Variants in MMS22L observed in about 807,000 individuals in gnomAD.
The protein encoded by MMS22L is protein MMS22-like.
MMS22L carries 74 observed loss-of-function variants against 159.1 expected under a neutral mutation model. The ratio of observed to expected loss-of-function variants is 0.47; its 90% confidence interval spans 0.39 to 0.56. The LOEUF (loss-of-function observed/expected upper bound fraction) is 0.56. Among genes scored for constraint, MMS22L ranks in the 20% least tolerant of loss-of-function variants. The probability of loss-of-function intolerance (pLI) is 0.00; values close to 1 mark genes in which losing one functional copy is unlikely to be tolerated. For missense variants in MMS22L, 1,351 were observed against 1,422.1 expected, an observed-to-expected ratio of 0.95 and a Z score of 0.80; for synonymous variants, 517 against 506.9, an observed-to-expected ratio of 1.02 and a Z score of -0.27.
intron 14 of MMS22L, among the ~76,000 whole-genome samples, chr6:97,223,187 C>G (rs1809834114): frequency 6.6e-6 from 1 of 152,098 alleles, no homozygotes; most frequent in Non-Finnish European, 1.5e-5. Flanking sequence ...AATCAGTGAT[C>G]ATAGATCCTT....
At position 97,196,865 on chromosome 6, in the gene MMS22L, C is replaced by T. The variant is rs181712097; in HGVS notation, c.2040-10175G>A. On this transcript the variant is annotated intron_variant, in intron 14 of 24. Transcript: ENST00000683635. ...ACAACATACTACACATATATAGATA[C>T]ATAATTATATCTATACATTTGTATA... 4.0e-4 allele frequency among the ~76,000 whole-genome samples: 61 copies of T among 152,012 alleles called. 1 individual carries two copies. The South Asian group carries it at 7.5e-3, about 19-fold the overall frequency.
Position 97,229,075 on chromosome 6 carries a change from T to C in MMS22L, c.1858A>G (p.Ile620Val), listed in dbSNP as rs73494464. 684 of 1,613,886 alleles carry C rather than the reference T, an allele frequency of 4.2e-4. 4 individuals carry two copies. The African/African-American group carries it at 8.4e-3, about 20-fold the overall frequency. ...KNEEMVQRQT[I>V]WTLLSIYIDG... ...ATGTATATGGAAAGAAGGGTCCAGA[T>C]AGTCTGTCTCTGTACCATTTCCTCA... Residue 620 changes from isoleucine to valine, a missense_variant, in exon 14 of 25, where the codon ATC (isoleucine) becomes GTC (valine). By Grantham distance (29) the Ile-to-Val change is conservative. Transcript: ENST00000683635.
intron 19 of MMS22L, among the ~76,000 whole-genome samples, chr6:97,171,031 A>C (rs1296884570): frequency 6.6e-6 from 1 of 152,158 alleles, no homozygotes; most frequent in Non-Finnish European, 1.5e-5. Flanking sequence ...AAAGAAAAAC[A>C]AAAAGAACAT....
intron 8 of MMS22L, chr6:97,267,036 A>G (rs771202684): frequency 6.6e-6 from 1 of 152,188 alleles, no homozygotes; most frequent in Non-Finnish European, 1.5e-5. Flanking sequence ...CTAATTAGCT[A>G]TATTTAGCCA....
chr6:97,179,080 C>T (rs779389651), intron 17 of MMS22L, among the ~76,000 whole-genome samples: 1 of 152,030 alleles, frequency 6.6e-6, no homozygotes, highest in Non-Finnish European at 1.5e-5. Context: ...TGGTTACTCG[C>T]TTCAGAGTTC....
At chr6:97,150,532 T>A (rs1238529968) in intron 23 of MMS22L, among the ~76,000 whole-genome samples, 1 of 152,154 alleles carries the variant, frequency 6.6e-6, no homozygotes, top group African/African-American at 2.4e-5. Flanking sequence ...AAATTCTATA[T>A]TTAGCCTTAA....
Position 97,267,566 on chromosome 6 carries a change from A to G in MMS22L, c.828+306T>C, listed in dbSNP as rs547884686. 441 of 167,644 alleles carry G rather than the reference A, an allele frequency of 2.6e-3. 2 individuals carry two copies. The highest frequency in any genetic ancestry group is 0.01 in the African/African-American group (428 of 42,178). The allele number at this position is 167,644 out of a possible 1,614,324, so 10.4% of individuals were successfully genotyped here. On this transcript the variant is annotated intron_variant, in intron 8 of 24. Coordinates refer to ENST00000683635, the MANE Select transcript of MMS22L (RefSeq NM_001350599.2). Reference sequence around the variant, plus strand: ...GCTGGCCTCTACTATTTGGATAGAAATTAGGCTTCCAGTGATTTCGGTAAA... The same window carrying G: ...GCTGGCCTCTACTATTTGGATAGAAGTTAGGCTTCCAGTGATTTCGGTAAA...
chr6:97,222,170 A>T (rs1288018768), intron 14 of MMS22L, among the ~76,000 whole-genome samples: 1 of 152,092 alleles, frequency 6.6e-6, no homozygotes, highest in Non-Finnish European at 1.5e-5. Flanking sequence ...ATACCATACC[A>T]ATAAAACTAC....
intron 14 of MMS22L, among the ~76,000 whole-genome samples, chr6:97,202,043 G>A (rs1807225728): frequency 2.6e-5 from 4 of 152,148 alleles, no homozygotes; most frequent in African/African-American, 7.2e-5. Flanking sequence ...CTGCCAATTA[G>A]GAGAAAGTAA....
intron 7 of MMS22L, among the ~76,000 whole-genome samples, chr6:97,269,590 G>A (rs561349570): frequency 6.6e-5 from 10 of 152,088 alleles, no homozygotes; most frequent in South Asian, 4.1e-4. Flanking sequence ...TAAACAGATC[G>A]CTAAAACACT....
intron 5 of MMS22L, 39 bp from the exon 6 acceptor site, chr6:97,272,920 T>TAAAATAAACAATTA (rs1562529022): frequency 1.2e-6 from 2 of 1,607,224 alleles, no homozygotes; most frequent in African/African-American, 2.7e-5. Context: ...CTAGAGTCTG[T>TAAAATAAACAATTA]GTGAATACAC....
intron 14 of MMS22L, among the ~76,000 whole-genome samples, chr6:97,207,238 C>G (rs1807883714): frequency 6.6e-6 from 1 of 152,060 alleles, no homozygotes; most frequent in African/African-American, 2.4e-5. Context: ...ATGATTCTAT[C>G]AAGTTTGCTT....
At chr6:97,274,432 G>C (rs1312407839) in intron 4 of MMS22L, among the ~76,000 whole-genome samples, 2 of 152,148 alleles carry the variant, frequency 1.3e-5, no homozygotes, top group African/African-American at 4.8e-5. Flanking sequence ...ATCCAGGCAA[G>C]ACGGAGTAAA....
At chr6:97,254,433 AAATAATTT>A (rs1278264728) in intron 10 of MMS22L, 116 bp downstream of exon 10, 4 of 638,740 alleles carry the variant, frequency 6.3e-6, no homozygotes, top group Middle Eastern at 3.3e-4. Flanking sequence ...CATTATACAT[AAATAATTT>A]ATCTCTGTGA....
At chr6:97,239,569 T>A (rs957050385) in intron 11 of MMS22L, among the ~76,000 whole-genome samples, 4 of 152,318 alleles carry the variant, frequency 2.6e-5, no homozygotes, top group Admixed American at 6.5e-5. Flanking sequence ...TTCTGGCAGA[T>A]CCTCTCTAGC....
chr6:97,152,048 C>A (rs760513712), intron 22 of MMS22L, among the ~76,000 whole-genome samples, 181 bp from the exon 23 acceptor site: 1 of 152,086 alleles, frequency 6.6e-6, no homozygotes. Flanking sequence ...TACCTATCTT[C>A]CATTTTAAGA....
chr6:97,171,688 T>G (rs1025731555), intron 19 of MMS22L, among the ~76,000 whole-genome samples: 12 of 152,144 alleles, frequency 7.9e-5, no homozygotes, highest in African/African-American at 2.9e-4. Context: ...CTTGCAACCT[T>G]GTAAGTGAAC....
chr6:97,242,649 C>T (rs1186766243), intron 11 of MMS22L, among the ~76,000 whole-genome samples: 1 of 151,936 alleles, frequency 6.6e-6, no homozygotes, highest in Non-Finnish European at 1.5e-5. Flanking sequence ...TGCCTGAGTG[C>T]CTTTTTTCAT....
intron 14 of MMS22L, among the ~76,000 whole-genome samples, chr6:97,212,639 G>A (rs930642315): frequency 6.6e-6 from 1 of 152,182 alleles, no homozygotes; most frequent in Non-Finnish European, 1.5e-5. Context: ...GAAAGACTGA[G>A]GTTCAAAGAA....
Sources: allele counts gnomAD v4.1 joint callset (sites outside exome capture counted in the v4.1 genomes callset), GRCh38; gene constraint gnomAD v4.1.1; transcripts MANE v1.5; gene names NCBI Gene and HGNC (gene_info 2026-07-23, HGNC 2026-07-21).